The following CDH18 variants were observed in gnomAD, a reference collection of about 807,000 sequenced individuals.
CDH18 encodes the protein cadherin-18.
CDH18 carries 31 observed loss-of-function variants against 67.9 expected under a neutral mutation model. The ratio of observed to expected loss-of-function variants is 0.46; its 90% confidence interval spans 0.34 to 0.62. The LOEUF is 0.62. CDH18 is among the 20% of genes least tolerant of loss of function. CDH18 has a pLI of 0.01. For missense variants in CDH18, 890 were observed against 975.5 expected, an observed-to-expected ratio of 0.91 and a Z score of 1.17; for synonymous variants, 362 against 347.2, an observed-to-expected ratio of 1.04 and a Z score of -0.48.
At chr5:19,659,732 G>A (rs921085060) in intron 5 of CDH18, among the ~76,000 whole-genome samples, 1 of 152,004 alleles carries the variant, frequency 6.6e-6, no homozygotes, top group Non-Finnish European at 1.5e-5. Flanking sequence ...GCCATGTGAG[G>A]ATGCAGTAAC....
At chr5:20,177,773 G>A (rs1737357192) in intron 2 of CDH18, among the ~76,000 whole-genome samples, 1 of 152,032 alleles carries the variant, frequency 6.6e-6, no homozygotes, top group Non-Finnish European at 1.5e-5. Context: ...CTGATCTCAG[G>A]GTAGTGAATA....
intron 2 of CDH18, among the ~76,000 whole-genome samples, chr5:19,870,215 A>G (rs899102268): frequency 1.3e-5 from 2 of 152,128 alleles, no homozygotes; most frequent in Non-Finnish European, 2.9e-5. Flanking sequence ...CACTGTGAGG[A>G]ATGTCAACAT....
intron 1 of CDH18, among the ~76,000 whole-genome samples, chr5:20,341,544 CAT>C (rs34518300): frequency 1.3e-5 from 2 of 149,600 alleles, no homozygotes; most frequent in Non-Finnish European, 3.0e-5. Flanking sequence ...TATTAGAGGG[CAT>C]ATATATATAT....
At chr5:19,866,347 G>A (rs986127898) in intron 2 of CDH18, among the ~76,000 whole-genome samples, 15 of 152,198 alleles carry the variant, frequency 9.9e-5, no homozygotes, top group Non-Finnish European at 2.1e-4. Flanking sequence ...CAGGCTTTTA[G>A]TGACTTTTCC....
chr5:20,242,089 T>C (rs992614423), intron 2 of CDH18, among the ~76,000 whole-genome samples: 17 of 151,358 alleles, frequency 1.1e-4, no homozygotes, highest in African/African-American at 3.9e-4. Flanking sequence ...TTGGATGAGT[T>C]TTAAATTATG....
chr5:20,253,373 G>A (rs936500421), intron 2 of CDH18, among the ~76,000 whole-genome samples: 1 of 152,066 alleles, frequency 6.6e-6, no homozygotes, highest in African/African-American at 2.4e-5. Context: ...CTCTAAACAT[G>A]TCCACTAGAT....
intron 2 of CDH18, among the ~76,000 whole-genome samples, chr5:19,908,405 T>C (rs1302420143): frequency 6.6e-6 from 1 of 152,122 alleles, no homozygotes; most frequent in Non-Finnish European, 1.5e-5. Flanking sequence ...AGATATGTAC[T>C]ATGATGAGTT....
chr5:19,797,389 T>C (rs1046806556), intron 3 of CDH18, among the ~76,000 whole-genome samples: 1 of 151,928 alleles, frequency 6.6e-6, no homozygotes, highest in African/African-American at 2.4e-5. Context: ...CAGAATAAAA[T>C]TATTCCTATT....
intron 1 of CDH18, among the ~76,000 whole-genome samples, chr5:20,489,866 T>C (rs1283118893): frequency 6.6e-6 from 1 of 151,860 alleles, no homozygotes; most frequent in African/African-American, 2.4e-5. Context: ...TTTTTAATGC[T>C]TATATGGTTC....
chr5:19,747,304 A>C, intron 3 of CDH18, 68 bp from the exon 4 acceptor site: 1 of 1,273,334 alleles, frequency 7.9e-7, no homozygotes, highest in Non-Finnish European at 1.1e-6. Flanking sequence ...TTCTCTGAAA[A>C]CTCCCTATCT....
intron 10 of CDH18, among the ~76,000 whole-genome samples, chr5:19,503,706 T>C (rs1443218458): frequency 3.9e-5 from 6 of 152,102 alleles, no homozygotes. Flanking sequence ...TTCTCCTCTC[T>C]AGTGCTCAGG....
intron 1 of CDH18, among the ~76,000 whole-genome samples, chr5:20,530,269 AAAGATAGG>A (rs1756318102): frequency 6.6e-6 from 1 of 152,052 alleles, no homozygotes; most frequent in Admixed American, 6.6e-5. Flanking sequence ...TTCTATGCTA[AAAGATAGG>A]AAGAATCAAT....
chr5:20,461,578 T>C (rs556432055), intron 1 of CDH18, among the ~76,000 whole-genome samples: 2 of 152,202 alleles, frequency 1.3e-5, no homozygotes, highest in South Asian at 2.1e-4. Flanking sequence ...TTCTCTCCTC[T>C]TCTCACTGTT....
At chr5:20,327,836 A>T (rs1351600467) in intron 1 of CDH18, among the ~76,000 whole-genome samples, 2 of 152,064 alleles carry the variant, frequency 1.3e-5, no homozygotes, top group Non-Finnish European at 2.9e-5. Flanking sequence ...CCGGGAGTTC[A>T]AGACTGCCCT....
chr5:20,148,809 T>C (rs1750870633), intron 2 of CDH18, among the ~76,000 whole-genome samples: 1 of 152,112 alleles, frequency 6.6e-6, no homozygotes. Context: ...TGACAAAAGC[T>C]CTGTCACATA....
At chr5:19,743,220 G>T (rs1356366620) in intron 4 of CDH18, among the ~76,000 whole-genome samples, 9 of 152,150 alleles carry the variant, frequency 5.9e-5, no homozygotes, top group African/African-American at 2.2e-4. Context: ...CCATATATTT[G>T]TAACAAACGC....
rs960227841 is a variant in CDH18 at position 19,471,448 on chromosome 5, A to G, written c.*1778T>C. 3.3e-5 allele frequency among the ~76,000 whole-genome samples: 5 copies of G among 152,142 alleles called. No individual in the cohort carries two copies. The highest frequency in any genetic ancestry group is 1.2e-4 in the African/African-American group (5 of 41,442). ...AGAGGTAAAATCCAAAATTTTGCAC[A>G]TGGGTAGAAACAGACAGAAAATGTC... is the stretch of plus-strand genomic sequence containing the variant. On this transcript the variant is annotated 3_prime_UTR_variant, in exon 13 of 13. Transcript: ENST00000382275.
intron 7 of CDH18, among the ~76,000 whole-genome samples, chr5:19,572,217 G>C (rs1263051341): frequency 6.6e-6 from 1 of 152,180 alleles, no homozygotes; most frequent in South Asian, 2.1e-4. Context: ...GTGAAACTAA[G>C]ATGAACGGAT....
rs1014072787 is a variant in CDH18 at position 19,882,664 on chromosome 5, A to G, written c.-256-43422T>C. On this transcript the variant is annotated intron_variant, in intron 2 of 12. Transcript: ENST00000382275. ...TTACTGCAGTGAAGGCATGGCATCA[A>G]TATGTGCTAATTGTGATGTGAATGA... Among the ~76,000 whole-genome samples the G allele has an allele frequency of 1.3e-4, 20 of 152,258 alleles. 1 individual carries two copies. In the Middle Eastern group the frequency reaches 0.01, roughly 78 times the overall value.
Sources: gnomAD v4.1 joint callset for allele counts (sites outside exome capture counted in the v4.1 genomes callset) on GRCh38, gnomAD v4.1.1 for gene constraint, MANE v1.5 for transcripts, NCBI Gene and HGNC (gene_info 2026-07-23, HGNC 2026-07-21) for gene names.